KCNH8: variants seen among roughly 807,000 people sequenced by gnomAD.
KCNH8 encodes the protein potassium voltage-gated channel subfamily H member 8, also known as voltage-gated delayed rectifier potassium channel KCNH8.
Under a neutral mutation model 103.6 loss-of-function variants are expected in KCNH8, and 70 were observed. The observed-to-expected ratio is 0.68, with a 90% CI of 0.56 to 0.82. The LOEUF is 0.82. Among genes scored for constraint, KCNH8 ranks in the 40% least tolerant of loss-of-function variants. KCNH8 has a pLI of 0.00. For synonymous variants in KCNH8, 498 were observed against 489.4 expected (o/e 1.02, Z -0.23); for missense variants, 1,217 against 1,329.9 (o/e 0.92, Z 1.32).
At chr3:19,296,095 T>C (rs1418692732) in intron 3 of KCNH8, among the ~76,000 whole-genome samples, 1 of 152,218 alleles carries the variant, frequency 6.6e-6, no homozygotes, top group African/African-American at 2.4e-5. Context: ...ATATATTTAT[T>C]TGACACTTTG....
At chr3:19,381,065 T>C (rs899152612) in intron 5 of KCNH8, among the ~76,000 whole-genome samples, 12 of 152,250 alleles carry the variant, frequency 7.9e-5, no homozygotes, top group Admixed American at 2.0e-4. Context: ...TAAATCATCT[T>C]TAAATTTTAC....
intron 7 of KCNH8, among the ~76,000 whole-genome samples, chr3:19,420,241 G>A (rs2066930927): frequency 6.6e-6 from 1 of 152,138 alleles, no homozygotes; most frequent in African/African-American, 2.4e-5. Flanking sequence ...TTAACATGAT[G>A]ACATTTTATT....
chr3:19,172,422 C>T (rs1178418247), intron 1 of KCNH8, among the ~76,000 whole-genome samples: 1 of 152,090 alleles, frequency 6.6e-6, no homozygotes, highest in African/African-American at 2.4e-5. Context: ...AGTTTTTAAA[C>T]TGATAAGTGT....
In KCNH8 at chr3:19,395,245, G is replaced by A; in HGVS notation, c.1111G>A (p.Ala371Thr). 2 of 1,609,948 alleles carry A rather than the reference G, an allele frequency of 1.2e-6. No homozygotes were observed. The highest frequency in any genetic ancestry group is 1.7e-6 in the Non-Finnish European group (2 of 1,178,162). Residue 371 changes from alanine (A) to threonine (T), a missense_variant, in exon 7 of 16, where the codon GCG becomes ACG. Coordinates refer to ENST00000328405, the MANE Select transcript of KCNH8 (RefSeq NM_144633.3). ...GTTTGCACTCCTTGCACACTGGATG[G>A]CGTGTATCTGGTACGTCATTGGAAA... is the stretch of plus-strand genomic sequence containing the variant. ...SMFALLAHWM[A>T]CIWYVIGKME...
At chr3:19,269,025 T>TATAG (rs1357106358) in intron 2 of KCNH8, among the ~76,000 whole-genome samples, 2 of 152,152 alleles carry the variant, frequency 1.3e-5, no homozygotes, top group African/African-American at 2.4e-5. Flanking sequence ...TCGTTGTGTG[T>TATAG]ATAGATATAT....
At chr3:19,177,949 T>G (rs1431994713) in intron 1 of KCNH8, among the ~76,000 whole-genome samples, 1 of 152,150 alleles carries the variant, frequency 6.6e-6, no homozygotes, top group Non-Finnish European at 1.5e-5. Flanking sequence ...AACATGTCAT[T>G]ATATATTAGA....
intron 7 of KCNH8, among the ~76,000 whole-genome samples, chr3:19,402,645 G>A (rs926448791): frequency 2.6e-5 from 4 of 151,892 alleles, no homozygotes; most frequent in East Asian, 1.9e-4. Flanking sequence ...TCCTGTCTTC[G>A]TGTTCTCCAC....
At chr3:19,367,144 A>G (rs926441188) in intron 5 of KCNH8, among the ~76,000 whole-genome samples, 5 of 151,844 alleles carry the variant, frequency 3.3e-5, no homozygotes, top group African/African-American at 1.2e-4. Context: ...ACCTCGTTTC[A>G]TGATCTTTGC....
At chr3:19,202,798 T>C (rs1404494189) in intron 1 of KCNH8, among the ~76,000 whole-genome samples, 1 of 152,160 alleles carries the variant, frequency 6.6e-6, no homozygotes, top group Non-Finnish European at 1.5e-5. Context: ...AAGAAATGTG[T>C]TTATTGAAAT....
At chr3:19,432,078 G>A (rs2067131217) in intron 7 of KCNH8, among the ~76,000 whole-genome samples, 1 of 151,726 alleles carries the variant, frequency 6.6e-6, no homozygotes, top group Admixed American at 6.6e-5. Context: ...TCAATACAAA[G>A]CTAAGGTAAA....
chr3:19,260,536 TA>T (rs2064420208), intron 2 of KCNH8, among the ~76,000 whole-genome samples: 1 of 78,684 alleles, frequency 1.3e-5, no homozygotes, highest in African/African-American at 4.2e-5. Flanking sequence ...ATATATATAG[TA>T]AAATGGTTAC....
At chr3:19,517,355 A>G (rs1160636151) in intron 14 of KCNH8, among the ~76,000 whole-genome samples, 2 of 152,136 alleles carry the variant, frequency 1.3e-5, no homozygotes, top group African/African-American at 4.8e-5. Flanking sequence ...CTCATAATTG[A>G]CCAGAATTAG....
At chr3:19,410,790 T>C (rs1420446097) in intron 7 of KCNH8, among the ~76,000 whole-genome samples, 3 of 151,220 alleles carry the variant, frequency 2.0e-5, no homozygotes, top group Non-Finnish European at 4.4e-5. Flanking sequence ...AAGATAAAAT[T>C]TCCTAAGATT....
At chr3:19,480,791 C>A (rs1207434920) in intron 11 of KCNH8, among the ~76,000 whole-genome samples, 1 of 152,104 alleles carries the variant, frequency 6.6e-6, no homozygotes, top group Non-Finnish European at 1.5e-5. Flanking sequence ...AGTATGAGTA[C>A]TAAGAAACTA....
chr3:19,354,143 C>T (rs973338205), intron 5 of KCNH8, among the ~76,000 whole-genome samples: 1 of 151,994 alleles, frequency 6.6e-6, no homozygotes, highest in Non-Finnish European at 1.5e-5. Flanking sequence ...GCTTCAAAGA[C>T]AGTAAAATAC....
intron 11 of KCNH8, among the ~76,000 whole-genome samples, chr3:19,467,614 G>A (rs973940277): frequency 3.9e-5 from 6 of 152,120 alleles, no homozygotes; most frequent in Admixed American, 3.9e-4. Context: ...CGGGGGGCAT[G>A]GTGGGAGTAG....
At position 19,534,218 on chromosome 3, in the gene KCNH8, G is replaced by GA; in HGVS notation, c.*120dup. On this transcript the variant is annotated 3_prime_UTR_variant, in exon 16 of 16. Transcript: ENST00000328405. ...GCAAAGCTGGGAATCCTGCAGAAAA[G>GA]AGTGTGAGGAGCCAGGGAAAGGCAG... 3 of 706,382 alleles carry GA rather than the reference G, an allele frequency of 4.2e-6. No homozygotes were observed. The highest frequency in any genetic ancestry group is 7.1e-6 in the Non-Finnish European group (3 of 425,464). 43.8% of individuals were successfully genotyped at this position (706,382 alleles called of 1,614,324 possible).
intron 2 of KCNH8, among the ~76,000 whole-genome samples, chr3:19,262,055 T>C (rs1309618780): frequency 6.6e-6 from 1 of 151,268 alleles, no homozygotes; most frequent in African/African-American, 2.4e-5. Flanking sequence ...GCTTCTAACC[T>C]TTTTTTTTCT....
chr3:19,512,902 A>C (rs2068806256), intron 12 of KCNH8, 68 bp from the exon 13 acceptor site: 1 of 1,361,050 alleles, frequency 7.3e-7, no homozygotes, highest in Non-Finnish European at 1.0e-6. Flanking sequence ...TGAGACCTCC[A>C]GCATTAATGA....
Sources: allele counts gnomAD v4.1 joint callset (sites outside exome capture counted in the v4.1 genomes callset), GRCh38; gene constraint gnomAD v4.1.1; transcripts MANE v1.5; gene names NCBI Gene and HGNC (gene_info 2026-07-23, HGNC 2026-07-21).